DPP4: variants seen among roughly 807,000 people sequenced by gnomAD.
DPP4 encodes ADCP-2.
DPP4 carries 93 observed loss-of-function variants against 122.4 expected under a neutral mutation model. The ratio of observed to expected loss-of-function variants is 0.76; its 90% CI spans 0.64 to 0.90. The LOEUF (loss-of-function observed/expected upper bound fraction) is 0.90, where lower values mean the gene tolerates loss of function less well. Among genes scored for constraint, DPP4 ranks in the 40% least tolerant of loss-of-function variants. The pLI is 0.00. For synonymous variants in DPP4, 321 were observed against 302.9 expected (o/e 1.06, Z -0.62); for missense variants, 914 against 907.3 (o/e 1.01, Z -0.09).
chr2:162,039,856 G>GA (rs886241826), intron 5 of DPP4, among the ~76,000 whole-genome samples: 4 of 151,510 alleles, frequency 2.6e-5, no homozygotes, highest in Admixed American at 6.6e-5. Flanking sequence ...ACACATAATA[G>GA]AAAAAATCAA....
chr2:162,019,416 G>A, intron 14 of DPP4, 140 bp from the exon 15 acceptor site: 1 of 552,072 alleles, frequency 1.8e-6, no homozygotes, highest in South Asian at 2.7e-5. Flanking sequence ...TCGCTTCCGT[G>A]TCCCTCACCC....
At chr2:162,070,756 T>C (rs1685087829) in intron 2 of DPP4, among the ~76,000 whole-genome samples, 3 of 152,222 alleles carry the variant, frequency 2.0e-5, no homozygotes, top group Admixed American at 2.0e-4. Flanking sequence ...AAATGCTGCA[T>C]TCCTGAGCTT....
At chr2:162,018,523 G>A (rs1288536978) in intron 16 of DPP4, among the ~76,000 whole-genome samples, 1 of 152,198 alleles carries the variant, frequency 6.6e-6, no homozygotes, top group Non-Finnish European at 1.5e-5. Context: ...GTGCATGTGT[G>A]AGTGTGTTCG....
intron 10 of DPP4, among the ~76,000 whole-genome samples, chr2:162,031,274 T>A (rs918222405): frequency 3.3e-5 from 5 of 152,164 alleles, no homozygotes; most frequent in African/African-American, 1.2e-4. Context: ...CCACTCCAGG[T>A]TCTGTCTAAG....
Position 162,009,261 on chromosome 2 carries a change from G to T in DPP4, c.1867C>A (p.Arg623=). ...FSKMGFVDNK[R]IAIWGWSYGG... is the part of the protein sequence containing the mutation. ...CTCACCCAGCCCCAAATTGCAATTC[G>T]TTTGTTGTCCACAAATCCCATTTTT... Residue 623 remains arginine, a synonymous_variant, in exon 21 of 26, where the codon CGA becomes AGA. Coordinates refer to ENST00000360534, the MANE Select transcript of DPP4 (RefSeq NM_001935.4). 3 of 1,613,734 alleles carry T rather than the reference G, an allele frequency of 1.9e-6. No homozygotes were observed. Among genetic ancestry groups the T allele is most frequent in the East Asian group, 4.5e-5 (2 of 44,860 alleles).
intron 2 of DPP4, among the ~76,000 whole-genome samples, chr2:162,056,363 C>T (rs1482582402): frequency 1.3e-5 from 2 of 152,124 alleles, no homozygotes; most frequent in Non-Finnish European, 2.9e-5. Flanking sequence ...TGAATGAAAA[C>T]ATAAAAGTCA....
At chr2:162,011,725 T>C in intron 20 of DPP4, 68 bp downstream of exon 20, 1 of 1,512,636 alleles carries the variant, frequency 6.6e-7, no homozygotes. Flanking sequence ...ACTTTACAGC[T>C]TTAAAATGTA....
At chr2:162,063,546 G>A (rs1341696402) in intron 2 of DPP4, among the ~76,000 whole-genome samples, 1 of 151,990 alleles carries the variant, frequency 6.6e-6, no homozygotes, top group Non-Finnish European at 1.5e-5. Context: ...GGACAACCAG[G>A]AGAGAGTGAG....
At position 162,020,219 on chromosome 2, in the gene DPP4, C is replaced by A. The variant is rs374913261; in HGVS notation, c.1244+10G>T. On this transcript the variant is annotated intron_variant, in intron 14 of 25. Coordinates refer to ENST00000360534, the MANE Select transcript of DPP4 (RefSeq NM_001935.4). Reference sequence around the variant, plus strand: ...TAGGTTTATATCCTATCAATTGTTACAATACTCACAGATAATCACTGGTTA... The same window carrying A: ...TAGGTTTATATCCTATCAATTGTTAAAATACTCACAGATAATCACTGGTTA... The A allele has an allele frequency of 1.0e-5, 16 of 1,600,318 alleles. No individual in the cohort carries two copies. Among genetic ancestry groups the A allele is most frequent in the Non-Finnish European group, 1.4e-5 (16 of 1,175,212 alleles).
chr2:162,073,735 G>A, intron 1 of DPP4: 1 of 691,298 alleles, frequency 1.4e-6, no homozygotes. Flanking sequence ...GGGTTCGGGC[G>A]TGCGTTCTGT....
chr2:162,036,307 TCAA>T (rs910539144), intron 8 of DPP4, among the ~76,000 whole-genome samples: 1 of 152,206 alleles, frequency 6.6e-6, no homozygotes, highest in Non-Finnish European at 1.5e-5. Context: ...ATGCTTTTTT[TCAA>T]CAACAAGAAT....
At chr2:162,008,444 A>AGAT in intron 22 of DPP4, 118 bp downstream of exon 22, 1 of 806,626 alleles carries the variant, frequency 1.2e-6, no homozygotes, top group South Asian at 1.6e-5. Flanking sequence ...AGAACCTCTA[A>AGAT]GATGAATCAG....
chr2:161,998,429 C>T (rs998806537), intron 23 of DPP4, among the ~76,000 whole-genome samples: 5 of 152,106 alleles, frequency 3.3e-5, no homozygotes, highest in Admixed American at 6.5e-5. Context: ...TCTTTGCTCG[C>T]GGAAGACAGT....
chr2:162,062,986 GA>G (rs146559029), intron 2 of DPP4, among the ~76,000 whole-genome samples: 24 of 143,350 alleles, frequency 1.7e-4, no homozygotes, highest in South Asian at 4.5e-4. Context: ...AGGGAAGTAA[GA>G]AAAAAAAAAA....
chr2:162,057,089 C>CTTA lies in DPP4; in HGVS notation c.95-9589_95-9588insTAA, dbSNP rs555341810. On this transcript the variant is annotated intron_variant, in intron 2 of 25. Transcript: ENST00000360534. Reference sequence around the variant, plus strand: ...ACCCATTCCCTAGGTCCCTGCCTGCCAAATCATCCTTAAAAACCCTAACCT... The same window carrying CTTA: ...ACCCATTCCCTAGGTCCCTGCCTGCCTTAAAATCATCCTTAAAAACCCTAACCT... 4.3e-3 allele frequency among the ~76,000 whole-genome samples: 659 copies of CTTA among 152,254 alleles called. 7 individuals carry two copies. The highest frequency in any genetic ancestry group is 0.015 in the African/African-American group (624 of 41,544).
intron 2 of DPP4, among the ~76,000 whole-genome samples, chr2:162,072,060 C>T (rs1173356076): frequency 6.6e-6 from 1 of 152,106 alleles, no homozygotes; most frequent in Non-Finnish European, 1.5e-5. Context: ...ATATGTAAAA[C>T]AAGTCATATT....
chr2:162,009,763 A>G (rs1432151235), intron 20 of DPP4, among the ~76,000 whole-genome samples: 1 of 152,218 alleles, frequency 6.6e-6, no homozygotes, highest in African/African-American at 2.4e-5. Flanking sequence ...CTACCTGAGA[A>G]CTTAAACACC....
rs114803986 is a variant in DPP4, at chr2:162,026,467, C to T, written c.888-1528G>A. On this transcript the variant is annotated intron_variant, in intron 10 of 25. Transcript: ENST00000360534. ...TCTGGGTGGCTGGTATTCTCAGGAA[C>T]ACACCATGAGTTTCCCCAGTTGCCC... is the stretch of plus-strand genomic sequence containing the variant. Among the ~76,000 whole-genome samples the T allele has an allele frequency of 4.5e-3, 692 of 152,316 alleles. 7 individuals are homozygous for T. The highest frequency in any genetic ancestry group is 0.016 in the African/African-American group (659 of 41,562).
intron 5 of DPP4, among the ~76,000 whole-genome samples, chr2:162,043,351 T>C (rs1684056591): frequency 1.3e-5 from 2 of 152,264 alleles, no homozygotes; most frequent in East Asian, 1.9e-4. Flanking sequence ...TTGAGTGTGA[T>C]GGGAAGGCAC....
Sources: allele counts gnomAD v4.1 joint callset (sites outside exome capture counted in the v4.1 genomes callset), GRCh38; gene constraint gnomAD v4.1.1; transcripts MANE v1.5; gene names NCBI Gene and HGNC (gene_info 2026-07-23, HGNC 2026-07-21).